Variants in L3MBTL2 observed in about 807,000 individuals in gnomAD.
L3MBTL2 encodes the protein lethal(3)malignant brain tumor-like protein 2.
A neutral mutation model predicts 86.4 loss-of-function variants in L3MBTL2; 49 were observed. The observed-to-expected ratio is 0.57, with a 90% CI of 0.45 to 0.72. L3MBTL2 has a LOEUF of 0.72. Among genes scored for constraint, L3MBTL2 ranks in the 30% least tolerant of loss-of-function variants. The probability of loss-of-function intolerance (pLI) is 0.00; values close to 1 mark genes in which losing one functional copy is unlikely to be tolerated. For synonymous variants in L3MBTL2, 336 were observed against 350.6 expected, an observed-to-expected ratio of 0.96 and a Z score of 0.47; for missense variants, 755 against 923.7, an observed-to-expected ratio of 0.82 and a Z score of 2.37.
intron 1 of L3MBTL2, 94 bp from the exon 2 acceptor site, chr22:41,209,602 T>C (rs1337966748): frequency 1.9e-6 from 2 of 1,051,140 alleles, no homozygotes; most frequent in Admixed American, 1.9e-5. Context: ...TTCCCGAAAG[T>C]GTGAGGGGGC....
intron 2 of L3MBTL2, among the ~76,000 whole-genome samples, chr22:41,210,486 C>T (rs1601490569): frequency 6.6e-6 from 1 of 152,146 alleles, no homozygotes; most frequent in Non-Finnish European, 1.5e-5. Flanking sequence ...CCCGCCATGA[C>T]GCCCGGCTAA....
Position 41,209,936 on chromosome 22 carries a change from G to A in L3MBTL2, c.262+3G>A. On this transcript the variant is annotated splice_donor_region_variant and intron_variant, in intron 2 of 16. Transcript: ENST00000216237. Reference sequence around the variant, plus strand: ...GGATGGCAGTGGTTCTGAGCCAGGTGCCTTCAGAGTGTCCCCTGAGGATGG... The same window carrying A: ...GGATGGCAGTGGTTCTGAGCCAGGTACCTTCAGAGTGTCCCCTGAGGATGG... The A allele has an allele frequency of 1.2e-6, 2 of 1,613,038 alleles. No individual in the cohort carries two copies. Among genetic ancestry groups the A allele is most frequent in the East Asian group, 2.2e-5 (1 of 44,846 alleles).
In L3MBTL2 at chr22:41,224,726, G is replaced by C; in HGVS notation, c.1176G>C (p.Glu392Asp). 4 of 1,612,802 alleles carry C rather than the reference G, an allele frequency of 2.5e-6. No individual in the cohort carries two copies. The highest frequency in any genetic ancestry group is 2.5e-6 in the Non-Finnish European group (3 of 1,178,834). Residue 392 changes from glutamate to aspartate, a missense_variant and splice_region_variant, in exon 10 of 17, where the codon GAG (glutamate) becomes GAC (aspartate). Physicochemically the swap from Glu to Asp is conservative, Grantham distance 45. Around this residue, in one of 3 missense-constraint regions of L3MBTL2, gnomAD observed 634 missense variants for 748.9 expected, o/e 0.85. Transcript: ENST00000216237. The surrounding 1 kb of genome is among the most constrained non-coding windows in gnomAD (Gnocchi z 4.9). Reference protein sequence around the residue: ...RRVGHGIKMSERRSDMAHHPT... With the variant: ...RRVGHGIKMSDRRSDMAHHPT... ...ATTCCCTATCCATCTCCTCCAAAGA[G>C]AGGCGAAGTGACATGGCCCATCACC...
rs778711090 is a variant in L3MBTL2, at chr22:41,216,136, C to T, written c.397-3C>T. The stretch of plus-strand genomic sequence containing the variant: ...TACACATAGCCTCTGTCCTCCTCTC[C>T]AGGGAAAACCACCGACCAAAAAAGC... On this transcript the variant is annotated splice_region_variant and splice_polypyrimidine_tract_variant and intron_variant, in intron 3 of 16. Transcript: ENST00000216237. 6.2e-7 allele frequency: 1 copy of T among 1,612,152 alleles called. No individual in the cohort carries two copies. Among genetic ancestry groups the T allele is most frequent in the East Asian group, 2.2e-5 (1 of 44,828 alleles).
In L3MBTL2 at chr22:41,224,628, G is replaced by C; in HGVS notation, c.1175-97G>C. The C allele has an allele frequency of 1.1e-6, 1 of 875,872 alleles. No homozygotes were observed. The highest frequency in any genetic ancestry group is 1.9e-6 in the Non-Finnish European group (1 of 520,334). 54.3% of individuals were successfully genotyped at this position (875,872 alleles called of 1,614,324 possible). On this transcript the variant is annotated intron_variant, in intron 9 of 16. Coordinates refer to ENST00000216237, the MANE Select transcript of L3MBTL2 (RefSeq NM_031488.5). This position sits in a 1 kb window ranked among gnomAD's most constrained non-coding sequence, Gnocchi z 4.9. Reference sequence around the variant, plus strand: ...AGAGATACAGCTGAGAACACGTGCAGAGCAGCCCCACATTCCCAGGGGAGG... The same window carrying C: ...AGAGATACAGCTGAGAACACGTGCACAGCAGCCCCACATTCCCAGGGGAGG...
intron 3 of L3MBTL2, among the ~76,000 whole-genome samples, chr22:41,215,753 T>A (rs949687663): frequency 1.3e-5 from 2 of 152,208 alleles, no homozygotes; most frequent in Non-Finnish European, 2.9e-5. Context: ...AACATTCGCG[T>A]ATGTACAGAA....
At chr22:41,214,255 G>T (rs2031151279) in intron 3 of L3MBTL2, 2 of 457,876 alleles carry the variant, frequency 4.4e-6, no homozygotes, top group East Asian at 3.8e-5. Flanking sequence ...CCCAGAGTCT[G>T]GTGTATTCAG....
intron 2 of L3MBTL2, 50 bp downstream of exon 2, chr22:41,209,983 A>G: frequency 6.3e-7 from 1 of 1,595,534 alleles, no homozygotes; most frequent in Non-Finnish European, 8.6e-7. Context: ...AAGATTATAG[A>G]GGAAGAGGGG....
At position 41,224,211 on chromosome 22, in the gene L3MBTL2, G is replaced by A. The variant is rs375700000; in HGVS notation, c.1134G>A (p.Val378=). 1.4e-5 allele frequency: 23 copies of A among 1,613,738 alleles called. No homozygotes were observed. Among genetic ancestry groups the A allele is most frequent in the Non-Finnish European group, 1.9e-5 (22 of 1,179,874 alleles). ...TGTGGAGCCCCCTGATCCACCCAGTGGGTTGGTCACGACGTGTGGGCCACG... is the reference window on the plus strand; with the variant it reads ...TGTGGAGCCCCCTGATCCACCCAGTAGGTTGGTCACGACGTGTGGGCCACG... ...CHMWSPLIHP[V]GWSRRVGHGI... The change falls in exon 9 of 17, where the codon GTG becomes GTA. Residue 378 remains valine (V), a synonymous_variant. Coordinates refer to ENST00000216237, the MANE Select transcript of L3MBTL2 (RefSeq NM_031488.5). The surrounding 1 kb of genome is among the most constrained non-coding windows in gnomAD (Gnocchi z 4.9).
At chr22:41,216,012 A>C in intron 3 of L3MBTL2, 127 bp from the exon 4 acceptor site, 1 of 1,054,874 alleles carries the variant, frequency 9.5e-7, no homozygotes, top group East Asian at 2.7e-5. Context: ...TGTTTCACAC[A>C]TGAAGAAACT....
At position 41,225,972 on chromosome 22, in the gene L3MBTL2, C is replaced by G. The variant is rs771350408; in HGVS notation, c.1504+31C>G. On this transcript the variant is annotated intron_variant, in intron 12 of 16. Transcript: ENST00000216237. The surrounding 1 kb of genome is among the most constrained non-coding windows in gnomAD (Gnocchi z 4.1). ...ACTAGAGAGGCCACCACCTGCTGTC[C>G]TTGCCATCAGAAGGGGCAGGGTGTC... 1 of 1,609,514 alleles carries G rather than the reference C, an allele frequency of 6.2e-7. No individual in the cohort carries two copies. Among genetic ancestry groups the G allele is most frequent in the East Asian group, 2.2e-5 (1 of 44,804 alleles).
chr22:41,227,127 G>A lies in L3MBTL2; in HGVS notation c.1626G>A (p.Leu542=), dbSNP rs750253347. The change falls in exon 14 of 17, where the codon CTG becomes CTA. Residue 542 remains leucine, a synonymous_variant. Transcript: ENST00000216237. The surrounding 1 kb of genome is among the most constrained non-coding windows in gnomAD (Gnocchi z 6.0). ...ATGGCTTCAAGGTGGGCATGAAGCT[G>A]GAGGCCGTGGACCTGATGGAGCCCC... ...PNHGFKVGMK[L]EAVDLMEPRL... The A allele has an allele frequency of 1.2e-6, 2 of 1,613,486 alleles. No individual in the cohort carries two copies. Among genetic ancestry groups the A allele is most frequent in the African/African-American group, 2.7e-5 (2 of 74,938 alleles).
chr22:41,217,382 A>C (rs914532045), intron 5 of L3MBTL2, 180 bp downstream of exon 5: 5 of 586,662 alleles, frequency 8.5e-6, no homozygotes, highest in Admixed American at 3.0e-5. Flanking sequence ...TCCTACAAAC[A>C]CTTCTATCAC....
In L3MBTL2 at chr22:41,219,607, T is replaced by G. The variant is rs60358514; in HGVS notation, c.718+71T>G. ...ACATCTCTAGATGGGTGAACAGTGT[T>G]GTAGGCAGGAGTTGGCTTCATAAAA... is the stretch of plus-strand genomic sequence containing the variant. On this transcript the variant is annotated intron_variant, in intron 6 of 16. Transcript: ENST00000216237. The G allele has an allele frequency of 4.9e-6, 5 of 1,012,944 alleles. No homozygotes were observed. The Admixed American group carries it at 9.1e-5, about 18-fold the overall frequency. 62.7% of individuals were successfully genotyped at this position (1,012,944 alleles called of 1,614,324 possible). A position where few individuals can be genotyped will look rare whatever the true frequency, so the allele number is the denominator to read the frequency against.
At position 41,224,204 on chromosome 22, in the gene L3MBTL2, ACCCAGTGGGTTGGT is replaced by A. The variant is rs746769229; in HGVS notation, c.1129_1142del (p.Pro377ThrfsTer15). 1 of 1,613,610 alleles carries A rather than the reference ACCCAGTGGGTTGGT, an allele frequency of 6.2e-7. No individual in the cohort carries two copies. Among genetic ancestry groups the A allele is most frequent in the Non-Finnish European group, 8.5e-7 (1 of 1,179,838 alleles). ...TGCCACATGTGGAGCCCCCTGATCC[ACCCAGTGGGTTGGT>A]CACGACGTGTGGGCCACGGCATCAA... On this transcript the variant is annotated frameshift_variant, in exon 9 of 17. Transcript: ENST00000216237. LOFTEE classifies it high-confidence loss of function. This position sits in a 1 kb window ranked among gnomAD's most constrained non-coding sequence, Gnocchi z 4.9.
At chr22:41,223,663 G>A (rs147133855) in intron 8 of L3MBTL2, among the ~76,000 whole-genome samples, 13 of 152,366 alleles carry the variant, frequency 8.5e-5, no homozygotes, top group African/African-American at 2.9e-4. Context: ...TGGCACAAAT[G>A]AGTCTGTGTA....
Position 41,225,523 on chromosome 22 carries a change from G to A in L3MBTL2, c.1357-271G>A, listed in dbSNP as rs1488926777. On this transcript the variant is annotated intron_variant, in intron 11 of 16. Transcript: ENST00000216237. This position sits in a 1 kb window ranked among gnomAD's most constrained non-coding sequence, Gnocchi z 4.1. ...GCCGCGGATCCGCTCCATGCCGGGC[G>A]CGTGTGCTCACCCAAGAACACGGTC... is the stretch of plus-strand genomic sequence containing the variant. Among the ~76,000 whole-genome samples the A allele has an allele frequency of 1.3e-5, 2 of 152,194 alleles. No homozygotes were observed. The highest frequency in any genetic ancestry group is 2.4e-5 in the African/African-American group (1 of 41,440).
At chr22:41,230,093 C>CCCCCGTTTTT in intron 16 of L3MBTL2, 46 bp from the exon 17 acceptor site, 1 of 965,792 alleles carries the variant, frequency 1.0e-6, no homozygotes, top group Non-Finnish European at 1.6e-6. Context: ...CCACCCCTCC[C>CCCCCGTTTTT]AGAGTTATTT....
At position 41,229,692 on chromosome 22, in the gene L3MBTL2, C is replaced by T. The variant is rs771150317; in HGVS notation, c.2005+36C>T. ...CCGGGCTGGGTCAAGGCAGGACCAG[C>T]CTGCTCCGTGCTCAGAGACGACCCT... On this transcript the variant is annotated intron_variant, in intron 16 of 16. Coordinates refer to ENST00000216237, the MANE Select transcript of L3MBTL2 (RefSeq NM_031488.5). 32 of 1,612,678 alleles carry T rather than the reference C, an allele frequency of 2.0e-5. No individual in the cohort carries two copies. In the South Asian group the frequency reaches 2.9e-4, roughly 14 times the overall value.
Sources: gnomAD v4.1 joint callset for allele counts (sites outside exome capture counted in the v4.1 genomes callset) on GRCh38, gnomAD v4.1.1 for gene constraint, gnomAD v4.1.1 regional missense constraint, Gnocchi (gnomAD v3.1) non-coding constraint, MANE v1.5 for transcripts, NCBI Gene and HGNC (gene_info 2026-07-23, HGNC 2026-07-21) for gene names.